The following FRMPD3 variants were observed in gnomAD, a reference collection of about 807,000 sequenced individuals.
FRMPD3 encodes FERM and PDZ domain-containing protein 3.
In FRMPD3, 42 loss-of-function variants were observed where a neutral mutation model predicts 97.9. That is an observed-to-expected ratio of 0.43 (90% CI 0.34 to 0.55). FRMPD3 has a LOEUF of 0.55. FRMPD3 is among the 20% of genes least tolerant of loss of function. The pLI is 0.03. For missense variants in FRMPD3, 1,303 were observed against 1,457.7 expected (o/e 0.89, Z 1.73); for synonymous variants, 577 against 581.1 (o/e 0.99, Z 0.10).
At chrX:107,499,972 G>A (rs1921866091) in intron 1 of FRMPD3, among the ~76,000 whole-genome samples, 1 of 111,763 alleles carries the variant, frequency 8.9e-6, no homozygotes, top group African/African-American at 3.3e-5. Context: ...GCCAAGAGTG[G>A]GGTGCCCAGC....
intron 13 of FRMPD3, among the ~76,000 whole-genome samples, chrX:107,576,770 CTT>C (rs1923134223): frequency 8.9e-6 from 1 of 112,071 alleles, no homozygotes; most frequent in Non-Finnish European, 1.9e-5. Flanking sequence ...CTAAGGCAAA[CTT>C]AGCGGTGCAG....
chrX:107,465,711 C>T (rs906884766), intron 1 of FRMPD3, among the ~76,000 whole-genome samples: 2 of 111,389 alleles, frequency 1.8e-5, no homozygotes, highest in Admixed American at 9.5e-5. Context: ...TTGATCCAGT[C>T]TAACCATCAC....
chrX:107,572,699 T>C (rs181185204), intron 12 of FRMPD3, among the ~76,000 whole-genome samples: 9 of 109,800 alleles, frequency 8.2e-5, no homozygotes, highest in Admixed American at 7.9e-4. Context: ...GATTCTGCCA[T>C]TGCACTCTAG....
At chrX:107,541,858 C>T (rs747059750) in intron 4 of FRMPD3, among the ~76,000 whole-genome samples, 1 of 112,376 alleles carries the variant, frequency 8.9e-6, no homozygotes, top group Non-Finnish European at 1.9e-5. Flanking sequence ...GTTCTGGTTT[C>T]GGCTCTGCTA....
intron 12 of FRMPD3, among the ~76,000 whole-genome samples, chrX:107,574,441 A>G (rs1923028537): frequency 8.9e-6 from 1 of 112,493 alleles, no homozygotes; most frequent in African/African-American, 3.2e-5. Context: ...CTATTTCCAC[A>G]CTATGTACAA....
intron 1 of FRMPD3, among the ~76,000 whole-genome samples, chrX:107,479,732 G>C (rs1921290808): frequency 9.1e-6 from 1 of 109,952 alleles, no homozygotes; most frequent in Admixed American, 9.8e-5. Context: ...GATGAATGGT[G>C]GTGATGGTTT....
At chrX:107,489,485 C>T (rs1292573946) in intron 1 of FRMPD3, among the ~76,000 whole-genome samples, 2 of 111,325 alleles carry the variant, frequency 1.8e-5, no homozygotes, top group Non-Finnish European at 3.8e-5. Context: ...CTCCACATCC[C>T]CTCCAGCACC....
chrX:107,600,665 G>A lies in FRMPD3; in HGVS notation c.2626G>A (p.Ala876Thr). Residue 876 changes from alanine (A) to threonine (T), a missense_variant, in exon 15 of 15, where the codon GCA becomes ACA. By Grantham distance (58) the Ala-to-Thr change is moderately conservative (BLOSUM62 0). This residue lies in a region of FRMPD3 where 764 missense variants were observed against 820.2 expected (regional missense o/e 0.93). Coordinates refer to ENST00000683843, the MANE Select transcript of FRMPD3 (RefSeq NM_001388459.1). ...ACAGGGAGAACGAACATACTCCTTG[G>A]CAGTGCACCCAGCACTGTCCCCACA... ...QVQGERTYSL[A>T]VHPALSPQLS... The A allele has an allele frequency of 8.3e-7, 1 of 1,205,398 alleles. No homozygotes were observed. Among genetic ancestry groups the A allele is most frequent in the Admixed American group, 2.2e-5 (1 of 45,455 alleles).
intron 1 of FRMPD3, among the ~76,000 whole-genome samples, chrX:107,471,109 G>A (rs370784351): frequency 4.5e-5 from 5 of 112,357 alleles, no homozygotes; most frequent in Middle Eastern, 4.6e-3. Flanking sequence ...CAGCAATTGC[G>A]TTTGTTTGCA....
At chrX:107,581,365 C>T (rs1923379409) in intron 13 of FRMPD3, among the ~76,000 whole-genome samples, 1 of 110,347 alleles carries the variant, frequency 9.1e-6, no homozygotes, top group South Asian at 3.9e-4. Flanking sequence ...CCCACCTCGG[C>T]CTCCCAAAGT....
At chrX:107,533,661 T>C in intron 4 of FRMPD3, 111 bp downstream of exon 4, 1 of 654,730 alleles carries the variant, frequency 1.5e-6, no homozygotes, top group South Asian at 2.6e-5. Flanking sequence ...ACAACCAACA[T>C]ATGAGCCAAG....
At chrX:107,534,289 A>G (rs1923119412) in intron 4 of FRMPD3, among the ~76,000 whole-genome samples, 1 of 111,484 alleles carries the variant, frequency 9.0e-6, no homozygotes, top group African/African-American at 3.3e-5. Flanking sequence ...CAGGTGCACA[A>G]CTTCCATGTG....
At chrX:107,556,118 C>T (rs776604415) in intron 8 of FRMPD3, among the ~76,000 whole-genome samples, 1 of 111,163 alleles carries the variant, frequency 9.0e-6, no homozygotes, top group African/African-American at 3.3e-5. Context: ...AGAAAAAAAC[C>T]TCAAACTTCA....
At chrX:107,580,996 A>G (rs970122622) in intron 13 of FRMPD3, among the ~76,000 whole-genome samples, 2 of 111,782 alleles carry the variant, frequency 1.8e-5, no homozygotes, top group Non-Finnish European at 3.8e-5. Flanking sequence ...CAGTTTCCTC[A>G]TATGTAAAAT....
chrX:107,571,246 C>T (rs1309177050), intron 12 of FRMPD3, among the ~76,000 whole-genome samples: 2 of 112,148 alleles, frequency 1.8e-5, no homozygotes, highest in Admixed American at 9.4e-5. Context: ...TTACATTACA[C>T]GTCATGATCA....
intron 5 of FRMPD3, among the ~76,000 whole-genome samples, chrX:107,546,850 G>C (rs1475644368): frequency 1.8e-5 from 2 of 111,884 alleles, no homozygotes; most frequent in Non-Finnish European, 3.8e-5. Context: ...CCAGAGCAGG[G>C]AAATCAGCAG....
intron 1 of FRMPD3, among the ~76,000 whole-genome samples, chrX:107,489,757 G>T (rs1921606841): frequency 8.9e-6 from 1 of 111,752 alleles, no homozygotes. Context: ...AGACGAGTAG[G>T]TTGCATAAAT....
intron 1 of FRMPD3, among the ~76,000 whole-genome samples, chrX:107,462,014 A>G (rs1388341566): frequency 9.2e-6 from 1 of 108,163 alleles, no homozygotes; most frequent in East Asian, 2.9e-4. Flanking sequence ...CTTCCATCGT[A>G]TCCTCTAACC....
At chrX:107,556,427 A>G (rs1247612967) in intron 8 of FRMPD3, among the ~76,000 whole-genome samples, 1 of 110,979 alleles carries the variant, frequency 9.0e-6, no homozygotes, top group African/African-American at 3.3e-5. Flanking sequence ...GATGATATGG[A>G]CTTCAGCTGT....
Sources: allele counts gnomAD v4.1 joint callset (sites outside exome capture counted in the v4.1 genomes callset), GRCh38; gene constraint gnomAD v4.1.1; regional missense constraint gnomAD v4.1.1; transcripts MANE v1.5; gene names NCBI Gene and HGNC (gene_info 2026-07-23, HGNC 2026-07-21).